Variants in CCDC40 observed in about 807,000 individuals in gnomAD.
CCDC40 encodes the protein coiled-coil domain-containing protein 40.
A neutral mutation model predicts 124.5 loss-of-function variants in CCDC40; 104 were observed. The ratio of observed to expected loss-of-function variants is 0.84; its 90% CI spans 0.71 to 0.98. The LOEUF is 0.98. Ranked by LOEUF, CCDC40 falls within the 50% of genes least tolerant of loss-of-function variation. The pLI, the probability that CCDC40 is intolerant of heterozygous loss-of-function variation, is 0.00. For synonymous variants in CCDC40, 580 were observed against 602.9 expected (o/e 0.96, Z 0.56); for missense variants, 1,463 against 1,503.9 (o/e 0.97, Z 0.45).
chr17:80,091,992 G>A (rs1269085996), intron 17 of CCDC40: 1 of 151,820 alleles, frequency 6.6e-6, no homozygotes, highest in Non-Finnish European at 1.5e-5. Flanking sequence ...AGGGCATTCA[G>A]CCCTATAAGG....
chr17:80,043,674 C>T (rs1336635270), intron 3 of CCDC40, among the ~76,000 whole-genome samples: 5 of 149,942 alleles, frequency 3.3e-5, no homozygotes, highest in Non-Finnish European at 5.9e-5. Flanking sequence ...CTCACCATCA[C>T]GCCCGGCTAA....
chr17:80,067,890 G>A (rs924323216), intron 10 of CCDC40: 14 of 1,366,576 alleles, frequency 1.0e-5, no homozygotes, highest in East Asian at 2.7e-5. Flanking sequence ...TTTATAAAAC[G>A]TGCATGCGCA....
intron 3 of CCDC40, among the ~76,000 whole-genome samples, chr17:80,045,246 C>A (rs2037392777): frequency 6.6e-6 from 1 of 152,178 alleles, no homozygotes; most frequent in Non-Finnish European, 1.5e-5. Flanking sequence ...ACAGAAATGA[C>A]TAGAACCTGA....
intron 7 of CCDC40, among the ~76,000 whole-genome samples, chr17:80,056,054 G>T (rs2037742208): frequency 9.6e-6 from 1 of 104,264 alleles, no homozygotes; most frequent in Non-Finnish European, 1.9e-5. Context: ...GTCTTACTGT[G>T]TTGCCCAGGC....
chr17:80,064,472 A>G (rs886390805), intron 9 of CCDC40, among the ~76,000 whole-genome samples: 8 of 152,070 alleles, frequency 5.3e-5, no homozygotes, highest in African/African-American at 1.9e-4. Flanking sequence ...TGCAGGCATC[A>G]ACTCACTTGA....
intron 1 of CCDC40, among the ~76,000 whole-genome samples, chr17:80,037,491 A>T (rs2037112878): frequency 6.6e-6 from 1 of 151,848 alleles, no homozygotes; most frequent in African/African-American, 2.4e-5. Context: ...GGGTAGGTAT[A>T]CTATGATCTC....
intron 2 of CCDC40, among the ~76,000 whole-genome samples, chr17:80,038,388 G>A (rs146973672): frequency 2.7e-4 from 41 of 152,042 alleles, no homozygotes; most frequent in African/African-American, 7.2e-4. Flanking sequence ...AAAATTAGCC[G>A]GGCGTGGTGG....
Position 80,056,016 on chromosome 17 carries a change from A to ATTTTTTTTT in CCDC40, c.1160-2471_1160-2463dup, listed in dbSNP as rs1193599741. Among the ~76,000 whole-genome samples, 100 of 10,246 alleles carry ATTTTTTTTT rather than the reference A, an allele frequency of 9.8e-3. 22 individuals are homozygous for ATTTTTTTTT. Among genetic ancestry groups the ATTTTTTTTT allele is most frequent in the Admixed American group, 0.012 (4 of 332 alleles). The allele number at this position is 10,246 out of a possible 152,430, so 6.7% of individuals were successfully genotyped here. On this transcript the variant is annotated intron_variant, in intron 7 of 19. Coordinates refer to ENST00000397545, the MANE Select transcript of CCDC40 (RefSeq NM_017950.4). ...TATATATATATATATATATATATATATTTTTTTTTTTTTTTGGTAGAAACA... is the reference window on the plus strand; with the variant it reads ...TATATATATATATATATATATATATATTTTTTTTTTTTTTTTTTTTTTTTGGTAGAAACA...
intron 7 of CCDC40, among the ~76,000 whole-genome samples, chr17:80,053,065 C>T (rs527259213): frequency 1.3e-5 from 2 of 152,116 alleles, no homozygotes; most frequent in Non-Finnish European, 2.9e-5. Flanking sequence ...AAGACATGGA[C>T]GACAGATTAG....
At position 80,084,730 on chromosome 17, in the gene CCDC40, T is replaced by G. The variant is rs1310821139; in HGVS notation, c.1990-13T>G. Reference sequence around the variant, plus strand: ...GGGGCAATATTCACAGGTATTTCTTTTCATCAATTCAGATGACACATCTTT... The same window carrying G: ...GGGGCAATATTCACAGGTATTTCTTGTCATCAATTCAGATGACACATCTTT... On this transcript the variant is annotated splice_polypyrimidine_tract_variant and intron_variant, in intron 12 of 19. Transcript: ENST00000397545. 1 of 1,613,680 alleles carries G rather than the reference T, an allele frequency of 6.2e-7. No homozygotes were observed. The highest frequency in any genetic ancestry group is 8.5e-7 in the Non-Finnish European group (1 of 1,180,014).
chr17:80,059,412 G>A (rs551767514), intron 9 of CCDC40, among the ~76,000 whole-genome samples: 1 of 151,672 alleles, frequency 6.6e-6, no homozygotes, highest in Non-Finnish European at 1.5e-5. Context: ...GGGAACGAAG[G>A]GGGTGAAAGC....
At chr17:80,052,051 G>A (rs374123190) in intron 7 of CCDC40, among the ~76,000 whole-genome samples, 7 of 152,238 alleles carry the variant, frequency 4.6e-5, no homozygotes, top group African/African-American at 1.7e-4. Context: ...CCCTGACCGG[G>A]GGGCAGCCAC....
chr17:80,067,419 C>T, intron 10 of CCDC40: 1 of 647,898 alleles, frequency 1.5e-6, no homozygotes, highest in Non-Finnish European at 2.8e-6. Context: ...CATATGCGTT[C>T]ACCCGGAGTC....
chr17:80,095,105 C>T (rs2038783337), intron 17 of CCDC40, among the ~76,000 whole-genome samples, 158 bp from the exon 18 acceptor site: 2 of 152,220 alleles, frequency 1.3e-5, no homozygotes, highest in Non-Finnish European at 2.9e-5. Flanking sequence ...CTGCTGCCTC[C>T]ATGTCCCTTG....
intron 2 of CCDC40, among the ~76,000 whole-genome samples, chr17:80,038,483 A>G (rs2037186763): frequency 6.6e-6 from 1 of 151,668 alleles, no homozygotes; most frequent in East Asian, 1.9e-4. Context: ...GTGAGCCAAG[A>G]TCACACCATT....
chr17:80,044,705 AC>A (rs1158967256), intron 3 of CCDC40, among the ~76,000 whole-genome samples: 13 of 31,068 alleles, frequency 4.2e-4, no homozygotes, highest in African/African-American at 1.2e-3. Context: ...AAACAAACAA[AC>A]AAAAAAAAAA....
At chr17:80,068,688 C>T (rs1193309643) in intron 10 of CCDC40, among the ~76,000 whole-genome samples, 2 of 151,968 alleles carry the variant, frequency 1.3e-5, no homozygotes, top group African/African-American at 4.8e-5. Flanking sequence ...GGGGCAGGAC[C>T]CCCTGGCCCA....
At chr17:80,065,271 C>T (rs2038012985) in intron 9 of CCDC40, among the ~76,000 whole-genome samples, 1 of 143,774 alleles carries the variant, frequency 7.0e-6, no homozygotes, top group African/African-American at 2.6e-5. Flanking sequence ...CACTGAGCAC[C>T]GCAGGCCCTG....
rs1051138932 is a variant in CCDC40 at position 80,048,618 on chromosome 17, G to C, written c.712G>C (p.Glu238Gln). Residue 238 changes from glutamate to glutamine, a missense_variant, in exon 5 of 20, where the codon GAA (glutamate) becomes CAA (glutamine). Coordinates refer to ENST00000397545, the MANE Select transcript of CCDC40 (RefSeq NM_017950.4). ...AGGGGTGCCCGATGCCCACCCCAGG[G>C]AAGGAGACCTGCCAGTGTTCCAGGA... is the stretch of plus-strand genomic sequence containing the variant. ...PPGVPDAHPR[E>Q]GDLPVFQDQI... 1.2e-6 allele frequency: 2 copies of C among 1,613,862 alleles called. No individual in the cohort carries two copies. Among genetic ancestry groups the C allele is most frequent in the Non-Finnish European group, 1.7e-6 (2 of 1,179,992 alleles).
Sources: gnomAD v4.1 joint callset for allele counts (sites outside exome capture counted in the v4.1 genomes callset) on GRCh38, gnomAD v4.1.1 for gene constraint, MANE v1.5 for transcripts, NCBI Gene and HGNC (gene_info 2026-07-23, HGNC 2026-07-21) for gene names.